The following COL9A3 variants were observed in gnomAD, a reference collection of about 807,000 sequenced individuals.
COL9A3 encodes collagen type IX alpha 3 chain.
A neutral mutation model predicts 110.2 loss-of-function variants in COL9A3; 82 were observed. The ratio of observed to expected loss-of-function variants is 0.74; its 90% CI spans 0.62 to 0.89. COL9A3 has a LOEUF of 0.89. Ranked by LOEUF, COL9A3 falls within the 40% of genes least tolerant of loss-of-function variation. The probability of loss-of-function intolerance (pLI) is 0.00; values close to 1 mark genes in which losing one functional copy is unlikely to be tolerated. For missense variants in COL9A3, 1,066 were observed against 981.3 expected, an observed-to-expected ratio of 1.09 and a Z score of -1.15; for synonymous variants, 494 against 403.8, an observed-to-expected ratio of 1.22 and a Z score of -2.68.
At chr20:62,836,813 A>T in intron 29 of COL9A3, 1 of 626,944 alleles carries the variant, frequency 1.6e-6, no homozygotes, top group Non-Finnish European at 2.8e-6. Context: ...AGAACAGCGG[A>T]GTGTGCCCCT....
At chr20:62,828,894 C>T (rs6090129) in intron 18 of COL9A3, 29 bp from the exon 19 acceptor site, 2 of 1,612,502 alleles carry the variant, frequency 1.2e-6, no homozygotes, top group Non-Finnish European at 1.7e-6. Context: ...TCAGCCTCCC[C>T]TTCCGCACCC....
At chr20:62,829,086 G>A in intron 19 of COL9A3, 110 bp downstream of exon 19, 1 of 1,216,108 alleles carries the variant, frequency 8.2e-7, no homozygotes, top group East Asian at 2.6e-5. Flanking sequence ...CCCTGTGAGG[G>A]GTTCTGGGGC....
intron 31 of COL9A3, 148 bp from the exon 32 acceptor site, chr20:62,840,394 C>CT (rs3835242): frequency 3.9e-6 from 3 of 772,162 alleles, no homozygotes; most frequent in Non-Finnish European, 6.7e-6. Flanking sequence ...CTTTGTGTGC[C>CT]GTTCCCTCGG....
chr20:62,832,246 C>T, intron 25 of COL9A3, 57 bp downstream of exon 25: 1 of 1,552,118 alleles, frequency 6.4e-7, no homozygotes, highest in South Asian at 1.1e-5. Context: ...ACAGCTTCTC[C>T]CAGGCTCCTC....
chr20:62,839,802 C>T lies in COL9A3; in HGVS notation c.1865-740C>T, dbSNP rs570130517. On this transcript the variant is annotated intron_variant, in intron 31 of 31. Coordinates refer to ENST00000649368, the MANE Select transcript of COL9A3 (RefSeq NM_001853.4). Reference sequence around the variant, plus strand: ...CTCCCTGGGTGCCCTGGAGCCCTGTCCTCCCCTCCATGCACGCACGCTGCT... The same window carrying T: ...CTCCCTGGGTGCCCTGGAGCCCTGTTCTCCCCTCCATGCACGCACGCTGCT... Among the ~76,000 whole-genome samples, 19 of 147,714 alleles carry T rather than the reference C, an allele frequency of 1.3e-4. No homozygotes were observed. The East Asian group carries it at 3.9e-3, about 30-fold the overall frequency.
chr20:62,836,338 G>C lies in COL9A3; in HGVS notation c.1548+5G>C. 1.2e-6 allele frequency: 2 copies of C among 1,613,778 alleles called. No individual in the cohort carries two copies. Among genetic ancestry groups the C allele is most frequent in the Non-Finnish European group, 8.5e-7 (1 of 1,180,026 alleles). On this transcript the variant is annotated splice_donor_5th_base_variant and intron_variant, in intron 28 of 31. Transcript: ENST00000649368. Reference sequence around the variant, plus strand: ...ACGGGGAAGCCGGGAGTTCCGGTACGTCGCTTTTCCGGCTTTTCCAGCTTT... The same window carrying C: ...ACGGGGAAGCCGGGAGTTCCGGTACCTCGCTTTTCCGGCTTTTCCAGCTTT...
At chr20:62,818,023 T>C (rs966783079) in intron 2 of COL9A3, among the ~76,000 whole-genome samples, 10 of 152,000 alleles carry the variant, frequency 6.6e-5, no homozygotes, top group African/African-American at 2.4e-4. Context: ...GGAGGGGGCT[T>C]AGGAGCCGAC....
chr20:62,825,058 G>C (rs774130965), intron 12 of COL9A3, 37 bp downstream of exon 12: 1 of 1,565,542 alleles, frequency 6.4e-7, no homozygotes, highest in Non-Finnish European at 8.6e-7. Context: ...AGGAGCTGGG[G>C]ACTGGAGGCT....
At chr20:62,818,301 C>T (rs909290784) in intron 2 of COL9A3, among the ~76,000 whole-genome samples, 1 of 152,224 alleles carries the variant, frequency 6.6e-6, no homozygotes, top group African/African-American at 2.4e-5. Flanking sequence ...TGGCCACAGC[C>T]TCCTTCCAGT....
In COL9A3 at chr20:62,833,044, C is replaced by T. The variant is rs769355767; in HGVS notation, c.1348C>T (p.Pro450Ser). 7.4e-6 allele frequency: 12 copies of T among 1,613,718 alleles called. No homozygotes were observed. Among genetic ancestry groups the T allele is most frequent in the Non-Finnish European group, 8.5e-6 (10 of 1,179,842 alleles). ...DQGIAGSDGLPGDKGELGPSG... is the reference protein window; with the variant it reads ...DQGIAGSDGLSGDKGELGPSG... ...GGGTATTGCAGGTTCCGACGGTCTT[C>T]CTGGGGATAAAGGAGAACTGGTGAG... Residue 450 changes from proline (P) to serine (S), a missense_variant, in exon 26 of 32, where the codon CCT becomes TCT. Physicochemically the swap from Pro to Ser is moderately conservative, Grantham distance 74. Coordinates refer to ENST00000649368, the MANE Select transcript of COL9A3 (RefSeq NM_001853.4).
chr20:62,824,937 G>C (rs567706965), intron 11 of COL9A3, 31 bp from the exon 12 acceptor site: 6 of 1,599,148 alleles, frequency 3.8e-6, no homozygotes, highest in South Asian at 1.1e-5. Flanking sequence ...GGGGGGTCTG[G>C]GTGGGGCAGT....
intron 27 of COL9A3, 44 bp downstream of exon 27, chr20:62,835,997 C>T (rs749863439): frequency 2.8e-5 from 45 of 1,613,922 alleles, no homozygotes; most frequent in Non-Finnish European, 3.6e-5. Context: ...CCATGGGCGC[C>T]TGCTGGCTTC....
chr20:62,830,362 G>T lies in COL9A3; in HGVS notation c.1164G>T (p.Gly388=). The T allele has an allele frequency of 6.4e-7, 1 of 1,571,066 alleles. No homozygotes were observed. The highest frequency in any genetic ancestry group is 8.6e-7 in the Non-Finnish European group (1 of 1,157,712). ...RGEAGHRGSA[G]ALGPQGPPGA... is the part of the protein sequence containing the mutation. The stretch of plus-strand genomic sequence containing the variant: ...CACACCTCACCTTTGTCTTCCAGGG[G>T]GCCCTCGGCCCACAAGGCCCTCCCG... The change falls in exon 23 of 32, where the codon GGG becomes GGT. Residue 388 remains glycine, a splice_region_variant and synonymous_variant. Transcript: ENST00000649368.
chr20:62,838,547 A>T, intron 30 of COL9A3, 137 bp from the exon 31 acceptor site: 2 of 830,094 alleles, frequency 2.4e-6, no homozygotes, highest in Non-Finnish European at 4.1e-6. Context: ...TACGCGTGTG[A>T]CATCTGTACT....
chr20:62,821,677 G>T, intron 7 of COL9A3, 80 bp from the exon 8 acceptor site: 1 of 1,544,250 alleles, frequency 6.5e-7, no homozygotes, highest in East Asian at 2.3e-5. Flanking sequence ...TCTCCCTTCG[G>T]AGGCGGCACA....
intron 14 of COL9A3, 150 bp downstream of exon 14, chr20:62,826,407 C>T (rs773478071): frequency 2.9e-5 from 23 of 784,518 alleles, no homozygotes; most frequent in Non-Finnish European, 1.6e-5. Context: ...AGGCCTTGCT[C>T]TGGGCCCCTG....
In COL9A3 at chr20:62,821,774, C is replaced by T. The variant is rs529110098; in HGVS notation, c.387C>T (p.Ser129=). Residue 129 remains serine (S), a synonymous_variant, in exon 8 of 32, where the codon AGC becomes AGT. Transcript: ENST00000649368. ...LPGPPGEAGV[S]GPPGGIGLRG... ...CCCTCCAGGGAGAGGCAGGAGTGAG[C>T]GGCCCCCCAGGTGGGATCGGCCTCC... 1.8e-5 allele frequency: 29 copies of T among 1,609,904 alleles called. No homozygotes were observed. The highest frequency in any genetic ancestry group is 1.1e-4 in the East Asian group (5 of 44,820).
intron 29 of COL9A3, 113 bp downstream of exon 29, chr20:62,836,645 C>G: frequency 8.7e-7 from 1 of 1,150,872 alleles, no homozygotes; most frequent in Non-Finnish European, 1.2e-6. Context: ...AAGTGAGCCC[C>G]TAGCACTCAC....
chr20:62,824,872 C>G (rs2063537942), intron 11 of COL9A3, 96 bp from the exon 12 acceptor site: 2 of 1,318,730 alleles, frequency 1.5e-6, no homozygotes, highest in Non-Finnish European at 2.1e-6. Flanking sequence ...TGTGGCGGGC[C>G]CTGGGCTGAC....
Sources: allele counts gnomAD v4.1 joint callset (sites outside exome capture counted in the v4.1 genomes callset), GRCh38; gene constraint gnomAD v4.1.1; transcripts MANE v1.5; gene names NCBI Gene and HGNC (gene_info 2026-07-23, HGNC 2026-07-21).